Variants in PWWP2B observed in about 807,000 individuals in gnomAD.
PWWP2B encodes the protein PWWP domain-containing protein 2B.
A neutral mutation model predicts 15.5 loss-of-function variants in PWWP2B; 9 were observed. The observed-to-expected ratio is 0.58, with a 90% CI of 0.35 to 1.02. PWWP2B has a LOEUF of 1.02. Ranked by LOEUF, PWWP2B falls within the 50% of genes least tolerant of loss-of-function variation. The probability of loss-of-function intolerance (pLI) is 0.02; values close to 1 mark genes in which losing one functional copy is unlikely to be tolerated. For missense variants in PWWP2B, 864 were observed against 865.3 expected (o/e 1.00, Z 0.02); for synonymous variants, 474 against 403.6 (o/e 1.17, Z -2.09).
At chr10:132,402,525 C>T (rs867018599) in intron 1 of PWWP2B, among the ~76,000 whole-genome samples, 3 of 152,374 alleles carry the variant, frequency 2.0e-5, no homozygotes, top group Admixed American at 1.3e-4. Flanking sequence ...TGTGCACCAG[C>T]GTGAGGAGTG....
At chr10:132,411,220 C>G (rs893156387) in intron 2 of PWWP2B, among the ~76,000 whole-genome samples, 2 of 152,224 alleles carry the variant, frequency 1.3e-5, no homozygotes, top group Non-Finnish European at 2.9e-5. Flanking sequence ...AGGCTTCCCC[C>G]TCTCATGACC....
Position 132,404,810 on chromosome 10 carries a change from C to G in PWWP2B, c.310C>G (p.Pro104Ala). The G allele has an allele frequency of 6.5e-7, 1 of 1,548,170 alleles. No individual in the cohort carries two copies. ...PETTRPEPPP[P>A]LVPPLPAGSL... ...GACCACCCGCCCCGAGCCACCCCCG[C>G]CCCTCGTGCCGCCGCTGCCCGCCGG... Residue 104 changes from proline to alanine, a missense_variant, in exon 2 of 3, where the codon CCC (proline) becomes GCC (alanine). Physicochemically the swap from Pro to Ala is conservative, Grantham distance 27 (BLOSUM62 -1). This residue lies in a region of PWWP2B where 736 missense variants were observed against 687.7 expected (regional missense o/e 1.07). Transcript: ENST00000305233.
chr10:132,397,615 G>A (rs1184914128), intron 1 of PWWP2B, among the ~76,000 whole-genome samples: 2 of 151,956 alleles, frequency 1.3e-5, no homozygotes, highest in Non-Finnish European at 2.9e-5. Context: ...CCGGGGTCCC[G>A]GAACTCCACA....
At chr10:132,399,348 G>A (rs896878444) in intron 1 of PWWP2B, among the ~76,000 whole-genome samples, 15 of 152,242 alleles carry the variant, frequency 9.9e-5, no homozygotes, top group Admixed American at 2.6e-4. Flanking sequence ...GCTGTTGAGC[G>A]CAGGCGGCGG....
rs774549118 is a variant in PWWP2B at position 132,405,439 on chromosome 10, C to G, written c.939C>G (p.Ile313Met). 1.9e-6 allele frequency: 3 copies of G among 1,609,748 alleles called. No homozygotes were observed. ...CGTCCTGCGCGCCCTCGGCCTCCATCCCCAAGTTGAAACTGACACGGCCTG... is the reference window on the plus strand; with the variant it reads ...CGTCCTGCGCGCCCTCGGCCTCCATGCCCAAGTTGAAACTGACACGGCCTG... ...DRPSCAPSAS[I>M]PKLKLTRPVP... The change falls in exon 2 of 3, where the codon ATC becomes ATG. Residue 313 changes from isoleucine (I) to methionine (M), a missense_variant. Physicochemically the swap from Ile to Met is conservative, Grantham distance 10. Around this residue, in one of 2 missense-constraint regions of PWWP2B, gnomAD observed 736 missense variants for 687.7 expected, o/e 1.07. Transcript: ENST00000305233.
chr10:132,399,800 C>A (rs2069591628), intron 1 of PWWP2B, among the ~76,000 whole-genome samples: 1 of 152,236 alleles, frequency 6.6e-6, no homozygotes, highest in Admixed American at 6.5e-5. Context: ...GGTTGAGGAT[C>A]TTGGGTGGGG....
chr10:132,401,616 A>G (rs2069617420), intron 1 of PWWP2B, among the ~76,000 whole-genome samples: 1 of 152,198 alleles, frequency 6.6e-6, no homozygotes, highest in Non-Finnish European at 1.5e-5. Context: ...GCACCTGTGC[A>G]CTTCCAGAAG....
chr10:132,406,351 C>G, intron 2 of PWWP2B, 62 bp downstream of exon 2: 1 of 1,372,472 alleles, frequency 7.3e-7, no homozygotes, highest in Non-Finnish European at 9.9e-7. Flanking sequence ...TGTGTCCAGG[C>G]CATGCCTCTG....
chr10:132,398,805 G>A (rs28461301), intron 1 of PWWP2B, among the ~76,000 whole-genome samples: 38,324 of 152,230 alleles, frequency 0.25, 5,361 homozygotes, highest in Middle Eastern at 0.32. Context: ...AACCAGAGCC[G>A]CCCACGGAGC....
intron 1 of PWWP2B, among the ~76,000 whole-genome samples, chr10:132,403,334 C>G (rs1362332738): frequency 1.3e-5 from 2 of 152,226 alleles, no homozygotes; most frequent in Non-Finnish European, 2.9e-5. Context: ...TCTCCATCTC[C>G]CTCTCTTTTT....
chr10:132,412,747 G>A (rs750876351), intron 2 of PWWP2B, among the ~76,000 whole-genome samples: 22 of 152,168 alleles, frequency 1.4e-4, no homozygotes, highest in Non-Finnish European at 2.2e-4. Flanking sequence ...CAAGACTTGC[G>A]GCCACCCCCC....
chr10:132,407,957 C>T (rs1175829978), intron 2 of PWWP2B, among the ~76,000 whole-genome samples: 1 of 152,232 alleles, frequency 6.6e-6, no homozygotes, highest in African/African-American at 2.4e-5. Context: ...CAGGACGTCT[C>T]CAAGTGAGGC....
chr10:132,415,187 C>G (rs2069828678), intron 2 of PWWP2B, among the ~76,000 whole-genome samples: 2 of 152,100 alleles, frequency 1.3e-5, no homozygotes, highest in South Asian at 4.2e-4. Context: ...CTCTCCTGTT[C>G]ACTGCCACAC....
At chr10:132,399,740 G>A (rs2069591027) in intron 1 of PWWP2B, among the ~76,000 whole-genome samples, 1 of 152,378 alleles carries the variant, frequency 6.6e-6, no homozygotes, top group South Asian at 2.1e-4. Context: ...GATGACACAA[G>A]CCTTGTCCTG....
chr10:132,412,235 C>T (rs573158154), intron 2 of PWWP2B, among the ~76,000 whole-genome samples: 141 of 152,366 alleles, frequency 9.3e-4, no homozygotes, highest in African/African-American at 3.2e-3. Context: ...CCTGCTCACC[C>T]ATGCCTTCAA....
chr10:132,409,062 G>A (rs532468099), intron 2 of PWWP2B, among the ~76,000 whole-genome samples: 64 of 152,360 alleles, frequency 4.2e-4, no homozygotes, highest in African/African-American at 1.4e-3. Context: ...TGTCCCAGCC[G>A]GTCACCTGCT....
chr10:132,405,638 T>C lies in PWWP2B; in HGVS notation c.1138T>C (p.Leu380=). The C allele has an allele frequency of 1.2e-6, 2 of 1,612,368 alleles. No homozygotes were observed. Among genetic ancestry groups the C allele is most frequent in the Non-Finnish European group, 1.7e-6 (2 of 1,179,856 alleles). The stretch of plus-strand genomic sequence containing the variant: ...CGGCCCTGCCGGTGGGCTGGCGGAC[T>C]TGTCTTCTGGAAGTTCGGGTGAGGA... The part of the protein sequence containing the change: ...ADGPAGGLAD[L]SSGSSGEDDD... Residue 380 remains leucine, a synonymous_variant, in exon 2 of 3, where the codon TTG becomes CTG. Coordinates refer to ENST00000305233, the MANE Select transcript of PWWP2B (RefSeq NM_138499.4).
intron 1 of PWWP2B, among the ~76,000 whole-genome samples, chr10:132,398,653 G>C (rs2069570274): frequency 6.6e-6 from 1 of 151,980 alleles, no homozygotes; most frequent in Admixed American, 6.6e-5. Flanking sequence ...TCTCCTCCCT[G>C]AGGCCCATGG....
intron 2 of PWWP2B, among the ~76,000 whole-genome samples, chr10:132,408,460 T>A (rs1005017193): frequency 6.6e-5 from 10 of 151,642 alleles, no homozygotes; most frequent in Non-Finnish European, 2.9e-5. Context: ...AGAGGCTGAG[T>A]GAGGTGTGGG....
Sources: gnomAD v4.1 joint callset for allele counts (sites outside exome capture counted in the v4.1 genomes callset) on GRCh38, gnomAD v4.1.1 for gene constraint, gnomAD v4.1.1 regional missense constraint, MANE v1.5 for transcripts, NCBI Gene and HGNC (gene_info 2026-07-23, HGNC 2026-07-21) for gene names.